The following BAZ1B variants were observed in gnomAD, a reference collection of about 807,000 sequenced individuals.
BAZ1B encodes tyrosine-protein kinase BAZ1B.
In BAZ1B, 22 loss-of-function variants were observed where a neutral mutation model predicts 153.8. The ratio of observed to expected loss-of-function variants is 0.14; its 90% confidence interval spans 0.10 to 0.20. BAZ1B has a LOEUF of 0.20. Among genes scored for constraint, BAZ1B ranks in the 10% least tolerant of loss-of-function variants. The probability of loss-of-function intolerance (pLI) is 1.00; values close to 1 mark genes in which losing one functional copy is unlikely to be tolerated. For missense variants in BAZ1B, 1,325 were observed against 1,799.3 expected (o/e 0.74, Z 4.77); for synonymous variants, 676 against 633.4 (o/e 1.07, Z -1.01).
At chr7:73,464,294 A>G (rs891098642) in intron 11 of BAZ1B, 4 of 318,994 alleles carry the variant, frequency 1.3e-5, no homozygotes, top group African/African-American at 9.0e-5. Flanking sequence ...GTCTACAACA[A>G]ATATGGCAGT....
At chr7:73,454,287 A>AC (rs1788118452) in intron 13 of BAZ1B, among the ~76,000 whole-genome samples, 1 of 152,102 alleles carries the variant, frequency 6.6e-6, no homozygotes, top group African/African-American at 2.4e-5. Context: ...ACACAGTGAG[A>AC]CCCCATCCCA....
At chr7:73,492,417 C>T (rs1789688565) in intron 5 of BAZ1B, among the ~76,000 whole-genome samples, 1 of 152,186 alleles carries the variant, frequency 6.6e-6, no homozygotes, top group Non-Finnish European at 1.5e-5. Flanking sequence ...CCACCTCGGC[C>T]TCCCAAAGTA....
intron 6 of BAZ1B, among the ~76,000 whole-genome samples, chr7:73,481,157 A>G (rs1789181511): frequency 6.6e-6 from 1 of 151,966 alleles, no homozygotes. Context: ...TAACTCAAAC[A>G]GGTGATCTGC....
In BAZ1B at chr7:73,478,313, T is replaced by G. The variant is rs937727183; in HGVS notation, c.1148A>C (p.His383Pro). ...GGCAGGTGGGCCTTTTTTAGGAATG[T>G]GAAAGTTAGTGTGCAGCTTATTGGG... The part of the protein sequence containing the change: ...MSPNKLHTNF[H>P]IPKKGPPAKK... Residue 383 changes from histidine (H) to proline (P), a missense_variant, in exon 7 of 20, where the codon CAC becomes CCC. His to Pro is a moderately conservative substitution (Grantham distance 77). Coordinates refer to ENST00000339594, the MANE Select transcript of BAZ1B (RefSeq NM_032408.4). 1.2e-6 allele frequency: 2 copies of G among 1,614,194 alleles called. No homozygotes were observed. The highest frequency in any genetic ancestry group is 2.2e-5 in the East Asian group (1 of 44,886).
At chr7:73,520,857 C>G (rs1190631114) in intron 1 of BAZ1B, among the ~76,000 whole-genome samples, 2 of 152,176 alleles carry the variant, frequency 1.3e-5, no homozygotes, top group Admixed American at 1.3e-4. Flanking sequence ...TTAGCCTTCA[C>G]TCTTAAAGCT....
intron 4 of BAZ1B, among the ~76,000 whole-genome samples, chr7:73,493,593 C>A (rs1789742121): frequency 6.6e-6 from 1 of 152,070 alleles, no homozygotes. Context: ...GTAATCCCAG[C>A]ACTTTGGGAG....
intron 6 of BAZ1B, among the ~76,000 whole-genome samples, chr7:73,485,581 T>C (rs1258025608): frequency 6.7e-6 from 1 of 149,990 alleles, no homozygotes; most frequent in Non-Finnish European, 1.5e-5. Flanking sequence ...GCTATGATCA[T>C]TCCACTGCTC....
chr7:73,484,976 A>G (rs985550842), intron 6 of BAZ1B, among the ~76,000 whole-genome samples: 3 of 152,250 alleles, frequency 2.0e-5, no homozygotes, highest in African/African-American at 7.2e-5. Flanking sequence ...TTTTTGGTTA[A>G]AAGATTACTG....
At position 73,492,960 on chromosome 7, in the gene BAZ1B, T is replaced by C. The variant is rs201508080; in HGVS notation, c.572-39A>G. 5.4e-5 allele frequency: 84 copies of C among 1,559,774 alleles called. No homozygotes were observed. In the African/African-American group the frequency reaches 1.1e-3, roughly 20 times the overall value. ...AGAAAATTAGTGAAAAACGTAATTA[T>C]TTTAATCCTTTTCATTCATTCATTA... On this transcript the variant is annotated intron_variant, in intron 4 of 19. Coordinates refer to ENST00000339594, the MANE Select transcript of BAZ1B (RefSeq NM_032408.4).
intron 1 of BAZ1B, among the ~76,000 whole-genome samples, chr7:73,521,314 A>C: frequency 6.6e-6 from 1 of 152,148 alleles, no homozygotes. Flanking sequence ...GACGAAAAAA[A>C]CGCCAAGTAT....
intron 3 of BAZ1B, among the ~76,000 whole-genome samples, chr7:73,503,484 T>C (rs1412400542): frequency 6.6e-6 from 1 of 151,952 alleles, no homozygotes; most frequent in Non-Finnish European, 1.5e-5. Context: ...CAAGCGATCC[T>C]CTTGCCTGTC....
intron 2 of BAZ1B, among the ~76,000 whole-genome samples, chr7:73,509,360 C>T (rs1041736514): frequency 7.2e-5 from 11 of 151,834 alleles, no homozygotes; most frequent in Non-Finnish European, 1.3e-4. Context: ...TAACATTTTA[C>T]GAGTTTTAGG....
chr7:73,477,731 T>C lies in BAZ1B; in HGVS notation c.1730A>G (p.Gln577Arg), dbSNP rs1554573071. ...EKEMLERLEK[Q>R]KRYEDQELTG... ...TAACTCTTGGTCCTCATACCGCTTC[T>C]GTTTTTCTAATCTCTCAAGCATTTC... The change falls in exon 7 of 20, where the codon CAG becomes CGG. Residue 577 changes from glutamine to arginine, a missense_variant. Physicochemically the swap from Gln to Arg is conservative, Grantham distance 43. Transcript: ENST00000339594. The surrounding 1 kb of genome is among the most constrained non-coding windows in gnomAD (Gnocchi z 5.6). 1 of 1,614,242 alleles carries C rather than the reference T, an allele frequency of 6.2e-7. No homozygotes were observed. The highest frequency in any genetic ancestry group is 1.7e-5 in the Admixed American group (1 of 60,026).
intron 15 of BAZ1B, among the ~76,000 whole-genome samples, chr7:73,448,555 A>C (rs1437845984): frequency 4.6e-5 from 7 of 152,354 alleles, no homozygotes; most frequent in Admixed American, 2.6e-4. Context: ...ACTACTTCAG[A>C]GAATGGAGGT....
chr7:73,448,680 G>T (rs548910248), intron 15 of BAZ1B, among the ~76,000 whole-genome samples: 1 of 152,338 alleles, frequency 6.6e-6, no homozygotes, highest in South Asian at 2.1e-4. Flanking sequence ...TCTGGGCAGA[G>T]AATGTTCCCA....
chr7:73,482,900 A>G (rs1554573886), intron 6 of BAZ1B, among the ~76,000 whole-genome samples: 1 of 152,186 alleles, frequency 6.6e-6, no homozygotes, highest in Admixed American at 6.5e-5. Flanking sequence ...GGATCATCTC[A>G]GCATGGGGCA....
chr7:73,479,720 T>A (rs1554573433), intron 6 of BAZ1B, among the ~76,000 whole-genome samples: 2 of 152,126 alleles, frequency 1.3e-5, no homozygotes, highest in Non-Finnish European at 2.9e-5. Context: ...TTTTAGTCAA[T>A]CATGATAATT....
At chr7:73,483,860 A>C (rs1198660449) in intron 6 of BAZ1B, among the ~76,000 whole-genome samples, 1 of 152,128 alleles carries the variant, frequency 6.6e-6, no homozygotes, top group Non-Finnish European at 1.5e-5. Context: ...GGCTGGTCTC[A>C]AACTCATGGG....
At chr7:73,501,065 T>C (rs1554577055) in intron 3 of BAZ1B, among the ~76,000 whole-genome samples, 1 of 152,074 alleles carries the variant, frequency 6.6e-6, no homozygotes, top group Non-Finnish European at 1.5e-5. Context: ...GAGACCAGCC[T>C]GACCAACATG....
Sources: gnomAD v4.1 joint callset for allele counts (sites outside exome capture counted in the v4.1 genomes callset) on GRCh38, gnomAD v4.1.1 for gene constraint, Gnocchi (gnomAD v3.1) non-coding constraint, MANE v1.5 for transcripts, NCBI Gene and HGNC (gene_info 2026-07-23, HGNC 2026-07-21) for gene names.